ERBIN: variants seen among roughly 807,000 people sequenced by gnomAD.
ERBIN encodes erbb2 interacting protein.
In ERBIN, 60 loss-of-function variants were observed where a neutral mutation model predicts 158.4. The ratio of observed to expected loss-of-function variants is 0.38; its 90% CI spans 0.31 to 0.47. The LOEUF (loss-of-function observed/expected upper bound fraction) is 0.47. ERBIN is among the 20% of genes least tolerant of loss of function. The pLI, the probability that ERBIN is intolerant of heterozygous loss-of-function variation, is 0.99. For synonymous variants in ERBIN, 594 were observed against 557.2 expected (o/e 1.07, Z -0.93); for missense variants, 1,610 against 1,648.0 (o/e 0.98, Z 0.40).
At position 66,028,292 on chromosome 5, in the gene ERBIN, T is replaced by C. The variant is rs1298266324; in HGVS notation, c.1155T>C (p.Phe385=). 2.5e-6 allele frequency: 4 copies of C among 1,611,626 alleles called. No individual in the cohort carries two copies. The highest frequency in any genetic ancestry group is 1.1e-5 in the South Asian group (1 of 90,644). ...CCTACAGATTAAAGAATTTACCCTT[T>C]AGCTTTACAAAGCTACAGCAATTGA... is the stretch of plus-strand genomic sequence containing the variant. ...LSDNRLKNLP[F]SFTKLQQLTA... is the part of the protein sequence containing the mutation. Residue 385 remains phenylalanine (F), a synonymous_variant, in exon 14 of 26, where the codon TTT becomes TTC. Transcript: ENST00000284037.
chr5:65,997,050 G>A (rs76201694), intron 4 of ERBIN, among the ~76,000 whole-genome samples: 3,164 of 152,072 alleles, frequency 0.021, 116 homozygotes, highest in African/African-American at 0.071. Context: ...TATATATAAG[G>A]TTATGTTGTC....
intron 1 of ERBIN, among the ~76,000 whole-genome samples, chr5:65,978,923 A>G (rs975723275): frequency 6.6e-6 from 1 of 152,180 alleles, no homozygotes; most frequent in African/African-American, 2.4e-5. Context: ...TTGGAACTGC[A>G]ACCCAAGCTT....
At position 66,054,031 on chromosome 5, in the gene ERBIN, G is replaced by A. The variant is rs1759326230; in HGVS notation, c.2713G>A (p.Val905Ile). ...TACAACCGTTAAAATCACATCTGCT[G>A]TTGATGGAAAAAATATAGTCAGGAG... ...PSTTVKITSA[V>I]DGKNIVRSKS... Residue 905 changes from valine (V) to isoleucine (I), a missense_variant, in exon 21 of 26, where the codon GTT becomes ATT. By Grantham distance (29) the Val-to-Ile change is conservative. This residue lies in a region of ERBIN where 1,014 missense variants were observed against 936.1 expected (regional missense o/e 1.08). Transcript: ENST00000284037. The A allele has an allele frequency of 1.9e-6, 3 of 1,614,152 alleles. No individual in the cohort carries two copies. Among genetic ancestry groups the A allele is most frequent in the Non-Finnish European group, 2.5e-6 (3 of 1,180,010 alleles).
chr5:65,964,432 T>C (rs927573696), intron 1 of ERBIN, among the ~76,000 whole-genome samples: 1 of 152,202 alleles, frequency 6.6e-6, no homozygotes, highest in African/African-American at 2.4e-5. Flanking sequence ...CCCAGGCCTT[T>C]TGGGGCAGAA....
intron 1 of ERBIN, among the ~76,000 whole-genome samples, chr5:65,966,111 T>C (rs938500436): frequency 3.0e-5 from 2 of 65,626 alleles, no homozygotes; most frequent in African/African-American, 6.9e-5. Context: ...TGGTCAATGA[T>C]AGACTGTATA....
At chr5:66,060,647 G>A (rs903108476) in intron 21 of ERBIN, among the ~76,000 whole-genome samples, 1 of 152,120 alleles carries the variant, frequency 6.6e-6, no homozygotes, top group African/African-American at 2.4e-5. Context: ...GTCAATTTTA[G>A]ATCTTTCCTG....
intron 1 of ERBIN, among the ~76,000 whole-genome samples, chr5:65,957,338 T>C (rs1747281330): frequency 6.6e-6 from 1 of 152,132 alleles, no homozygotes; most frequent in Admixed American, 6.5e-5. Context: ...CAAAGGTCTC[T>C]GGTTTTCCTA....
intron 1 of ERBIN, among the ~76,000 whole-genome samples, chr5:65,949,400 T>G (rs1376847043): frequency 6.6e-6 from 1 of 152,176 alleles, no homozygotes; most frequent in East Asian, 1.9e-4. Context: ...CTCACTTTGT[T>G]TGACTGTACT....
chr5:66,055,073 T>A, intron 21 of ERBIN, 122 bp downstream of exon 21: 1 of 1,422,736 alleles, frequency 7.0e-7, no homozygotes, highest in Non-Finnish European at 9.2e-7. Context: ...TTTTCTCTGG[T>A]ACTGGGAATA....
chr5:66,069,425 G>A (rs889964953), intron 21 of ERBIN, among the ~76,000 whole-genome samples: 1 of 152,198 alleles, frequency 6.6e-6, no homozygotes, highest in Non-Finnish European at 1.5e-5. Flanking sequence ...AATTGACTGA[G>A]AGAAAGCACT....
At chr5:65,969,534 CTAGACTCAAATGTA>C (rs1460773060) in intron 1 of ERBIN, among the ~76,000 whole-genome samples, 43 of 152,174 alleles carry the variant, frequency 2.8e-4, no homozygotes, top group Admixed American at 2.6e-3. Context: ...ATGGTGGAAT[CTAGACTCAAATGTA>C]AAGCAGTATT....
intron 4 of ERBIN, among the ~76,000 whole-genome samples, chr5:66,003,168 T>G (rs1243664353): frequency 6.6e-6 from 1 of 152,238 alleles, no homozygotes; most frequent in Non-Finnish European, 1.5e-5. Flanking sequence ...ATGGTAATCA[T>G]TGCCTTTGGA....
At chr5:65,985,195 G>A (rs1318792064) in intron 1 of ERBIN, among the ~76,000 whole-genome samples, 2 of 152,212 alleles carry the variant, frequency 1.3e-5, no homozygotes, top group East Asian at 1.9e-4. Flanking sequence ...CCAGGTTCAA[G>A]CAATTCTCTC....
At position 65,953,142 on chromosome 5, in the gene ERBIN, A is replaced by G. The variant is rs150730957; in HGVS notation, c.-58+26336A>G. 1.5e-4 allele frequency among the ~76,000 whole-genome samples: 23 copies of G among 152,290 alleles called. 1 individual carries two copies. The East Asian group carries it at 4.2e-3, about 28-fold the overall frequency. On this transcript the variant is annotated intron_variant, in intron 1 of 25. Coordinates refer to ENST00000284037, the MANE Select transcript of ERBIN (RefSeq NM_001253697.2). ...TCTGCTTTCTCCACTGCTCGTTACT[A>G]CAATTAAGAGTATTTGGGCAGACCT...
intron 21 of ERBIN, among the ~76,000 whole-genome samples, chr5:66,064,552 G>A (rs1760795321): frequency 6.6e-6 from 1 of 152,120 alleles, no homozygotes; most frequent in South Asian, 2.1e-4. Flanking sequence ...GACTTTAAAA[G>A]CCTATCAGAA....
At chr5:66,074,045 A>AT (rs397884229) in intron 22 of ERBIN, among the ~76,000 whole-genome samples, 19,208 of 91,836 alleles carry the variant, frequency 0.21, 3,224 homozygotes, top group East Asian at 0.52. Flanking sequence ...TGCCCAGCTA[A>AT]TTTTTTTTTT....
intron 1 of ERBIN, among the ~76,000 whole-genome samples, chr5:65,981,512 G>A (rs994877479): frequency 2.6e-5 from 4 of 152,056 alleles, no homozygotes; most frequent in Non-Finnish European, 5.9e-5. Flanking sequence ...TAGCAAGATT[G>A]ACTGAGGGGA....
intron 2 of ERBIN, among the ~76,000 whole-genome samples, chr5:65,990,002 CTG>C (rs1479613274): frequency 1.3e-5 from 2 of 152,154 alleles, no homozygotes; most frequent in African/African-American, 4.8e-5. Flanking sequence ...ATTAGATGAA[CTG>C]TTTATTCTTA....
In ERBIN at chr5:66,010,777, T is replaced by C. The variant is rs146641984; in HGVS notation, c.308-1272T>C. Reference sequence around the variant, plus strand: ...AACACAGGCTATATAAAATTCATTTTTGGAATGTCTTAAATGTTTTTTATT... The same window carrying C: ...AACACAGGCTATATAAAATTCATTTCTGGAATGTCTTAAATGTTTTTTATT... On this transcript the variant is annotated intron_variant, in intron 4 of 25. Coordinates refer to ENST00000284037, the MANE Select transcript of ERBIN (RefSeq NM_001253697.2). 4.3e-3 allele frequency among the ~76,000 whole-genome samples: 652 copies of C among 152,342 alleles called. 5 individuals are homozygous for C. Among genetic ancestry groups the C allele is most frequent in the African/African-American group, 0.015 (629 of 41,590 alleles).
Sources: gnomAD v4.1 joint callset for allele counts (sites outside exome capture counted in the v4.1 genomes callset) on GRCh38, gnomAD v4.1.1 for gene constraint, gnomAD v4.1.1 regional missense constraint, MANE v1.5 for transcripts, NCBI Gene and HGNC (gene_info 2026-07-23, HGNC 2026-07-21) for gene names.